Variants in ABCA6 observed in about 807,000 individuals in gnomAD.
ABCA6 encodes ATP binding cassette subfamily A member 6, also known as ATP-binding cassette sub-family A member 6.
In ABCA6, 164 loss-of-function variants were observed where a neutral mutation model predicts 191.2. The ratio of observed to expected loss-of-function variants is 0.86; its 90% CI spans 0.76 to 0.98. The LOEUF (loss-of-function observed/expected upper bound fraction) is 0.98, where lower values mean the gene tolerates loss of function less well. Among genes scored for constraint, ABCA6 ranks in the 50% least tolerant of loss-of-function variants. The pLI is 0.00. For missense variants in ABCA6, 1,958 were observed against 1,894.1 expected (o/e 1.03, Z -0.63); for synonymous variants, 636 against 647.7 (o/e 0.98, Z 0.27).
chr17:69,113,489 T>G, intron 14 of ABCA6, 129 bp from the exon 15 acceptor site: 1 of 1,534,130 alleles, frequency 6.5e-7, no homozygotes, highest in South Asian at 1.2e-5. Context: ...ATACTTCTAT[T>G]TATAGTTAAA....
rs187821048 is a variant in ABCA6 at position 69,113,598 on chromosome 17, C to G, written c.1902+20G>C. On this transcript the variant is annotated intron_variant, in intron 14 of 38. Transcript: ENST00000284425. Reference sequence around the variant, plus strand: ...GCAGACATTCGACCTGCTTCCTTCCCCATGCATAATCTCACTTACTTGAGG... The same window carrying G: ...GCAGACATTCGACCTGCTTCCTTCCGCATGCATAATCTCACTTACTTGAGG... The G allele has an allele frequency of 9.2e-3, 14,836 of 1,612,546 alleles. 92 individuals are homozygous for G. The highest frequency in any genetic ancestry group is 0.011 in the Middle Eastern group (69 of 6,042).
intron 25 of ABCA6, among the ~76,000 whole-genome samples, chr17:69,091,967 C>A (rs533095364): frequency 1.6e-4 from 25 of 152,096 alleles, no homozygotes; most frequent in Admixed American, 5.2e-4. Flanking sequence ...TAAAAAAAAA[C>A]CAAACAATCC....
At chr17:69,117,788 T>C in intron 11 of ABCA6, 110 bp downstream of exon 11, 2 of 738,440 alleles carry the variant, frequency 2.7e-6, no homozygotes, top group Non-Finnish European at 4.5e-6. Context: ...ATTTATATTC[T>C]TTTTTCTTTT....
intron 8 of ABCA6, 76 bp downstream of exon 8, chr17:69,128,543 A>T: frequency 9.6e-7 from 1 of 1,044,068 alleles, no homozygotes; most frequent in Non-Finnish European, 1.3e-6. Context: ...TAGTTTGAGT[A>T]GTGCTGATCC....
At chr17:69,088,512 C>T (rs1333576203) in intron 27 of ABCA6, among the ~76,000 whole-genome samples, 2 of 152,100 alleles carry the variant, frequency 1.3e-5, no homozygotes, top group Admixed American at 1.3e-4. Flanking sequence ...CCAATTATTT[C>T]TCACCCCTAC....
chr17:69,134,805 C>T (rs1034397943), intron 4 of ABCA6, 63 bp from the exon 5 acceptor site: 2 of 1,151,046 alleles, frequency 1.7e-6, no homozygotes, highest in African/African-American at 3.1e-5. Flanking sequence ...GAATATGAAA[C>T]AAGTATTGAA....
chr17:69,118,934 T>TCACA (rs752347265), intron 10 of ABCA6, among the ~76,000 whole-genome samples: 47 of 150,632 alleles, frequency 3.1e-4, no homozygotes, highest in Admixed American at 7.3e-4. Flanking sequence ...TCTGTCTCTC[T>TCACA]CACACACACA....
At chr17:69,091,419 T>C (rs1195548826) in intron 25 of ABCA6, among the ~76,000 whole-genome samples, 157 bp from the exon 26 acceptor site, 3 of 152,138 alleles carry the variant, frequency 2.0e-5, no homozygotes, top group Admixed American at 6.5e-5. Context: ...TTAGAGACAA[T>C]AGGGAAGAAG....
chr17:69,140,697 T>C lies in ABCA6; in HGVS notation c.7A>G (p.Met3Val), dbSNP rs1416145951. 3.8e-6 allele frequency: 6 copies of C among 1,593,608 alleles called. No homozygotes were observed. The highest frequency in any genetic ancestry group is 5.1e-6 in the Non-Finnish European group (6 of 1,170,646). ...TGCTGATACACGCTTTTCTGTTTCA[T>C]ATTCATTTAGCCTATTCGCTGAAGG... Reference protein sequence around the residue: MNMKQKSVYQQTK... With the variant: MNVKQKSVYQQTK... The change falls in exon 2 of 39, where the codon ATG becomes GTG. Residue 3 changes from methionine to valine, a missense_variant. Transcript: ENST00000284425.
In ABCA6 at chr17:69,112,417, T is replaced by C. The variant is rs557579507; in HGVS notation, c.2042-144A>G. The C allele has an allele frequency of 3.4e-5, 20 of 579,990 alleles. No individual in the cohort carries two copies. The South Asian group carries it at 4.7e-4, about 14-fold the overall frequency. The allele number at this position is 579,990 out of a possible 1,614,324, so 35.9% of individuals were successfully genotyped here. On this transcript the variant is annotated intron_variant, in intron 15 of 38. Coordinates refer to ENST00000284425, the MANE Select transcript of ABCA6 (RefSeq NM_080284.3). ...CTAGATCTAGTGTGCATTTTAACATTTGAAATACATATTAAAATTGATGCA... is the reference window on the plus strand; with the variant it reads ...CTAGATCTAGTGTGCATTTTAACATCTGAAATACATATTAAAATTGATGCA...
intron 18 of ABCA6, 32 bp downstream of exon 18, chr17:69,107,664 T>C: frequency 7.3e-7 from 1 of 1,363,068 alleles, no homozygotes; most frequent in African/African-American, 1.5e-5. Flanking sequence ...ATTTGGGAAT[T>C]GGTTTTCTGT....
At chr17:69,112,828 A>T (rs1489044166) in intron 15 of ABCA6, 1 of 154,568 alleles carries the variant, frequency 6.5e-6, no homozygotes, top group Admixed American at 6.5e-5. Context: ...TTTAAAATAA[A>T]ATAAGCTCAT....
intron 2 of ABCA6, among the ~76,000 whole-genome samples, chr17:69,138,255 C>T (rs2073979703): frequency 6.6e-6 from 1 of 152,138 alleles, no homozygotes; most frequent in African/African-American, 2.4e-5. Context: ...TTTCTTCACC[C>T]ACCCAACCTA....
chr17:69,081,958 A>G (rs901588992), intron 36 of ABCA6, among the ~76,000 whole-genome samples: 3 of 152,024 alleles, frequency 2.0e-5, no homozygotes, highest in Admixed American at 2.0e-4. Context: ...CTGGCTGTAA[A>G]CCCTCATGCC....
intron 26 of ABCA6, 26 bp downstream of exon 26, chr17:69,091,117 A>G: frequency 1.3e-6 from 2 of 1,594,636 alleles, no homozygotes; most frequent in South Asian, 1.1e-5. Flanking sequence ...TTCAAAATTA[A>G]TGACACAGTT....
Position 69,091,232 on chromosome 17 carries a change from T to C in ABCA6, c.3439A>G (p.Ile1147Val), listed in dbSNP as rs1331631991. Residue 1147 changes from isoleucine to valine, a missense_variant, in exon 26 of 39, where the codon ATC becomes GTC. Ile to Val is a conservative substitution (Grantham distance 29). Coordinates refer to ENST00000284425, the MANE Select transcript of ABCA6 (RefSeq NM_080284.3). Reference protein sequence around the residue: ...ASTIMFSITLINHFDLSILIT... With the variant: ...ASTIMFSITLVNHFDLSILIT... ...AATATACTTAGGTCAAAATGATTGA[T>C]TAAAGTGATGGAAAACATGATGGTG... 1 of 1,611,864 alleles carries C rather than the reference T, an allele frequency of 6.2e-7. No individual in the cohort carries two copies. Among genetic ancestry groups the C allele is most frequent in the Non-Finnish European group, 8.5e-7 (1 of 1,179,528 alleles).
intron 6 of ABCA6, among the ~76,000 whole-genome samples, chr17:69,133,268 G>A (rs999974580): frequency 6.6e-6 from 1 of 152,216 alleles, no homozygotes; most frequent in Non-Finnish European, 1.5e-5. Flanking sequence ...TTAACTGTAA[G>A]AAGACCAGGC....
At chr17:69,130,304 G>A (rs1399938231) in intron 6 of ABCA6, among the ~76,000 whole-genome samples, 4 of 150,618 alleles carry the variant, frequency 2.7e-5, no homozygotes, top group Admixed American at 1.3e-4. Context: ...GTGACAGAGC[G>A]AGACTCCATC....
intron 7 of ABCA6, 90 bp downstream of exon 7, chr17:69,129,520 G>A: frequency 9.1e-7 from 1 of 1,100,178 alleles, no homozygotes. Context: ...CATGAAAGTA[G>A]TGATTGCAGT....
Sources: gnomAD v4.1 joint callset for allele counts (sites outside exome capture counted in the v4.1 genomes callset) on GRCh38, gnomAD v4.1.1 for gene constraint, MANE v1.5 for transcripts, NCBI Gene and HGNC (gene_info 2026-07-23, HGNC 2026-07-21) for gene names.